AFDN: variants seen among roughly 807,000 people sequenced by gnomAD.
AFDN encodes the protein afadin, adherens junction formation factor.
Under a neutral mutation model 216.6 loss-of-function variants are expected in AFDN, and 68 were observed. The ratio of observed to expected loss-of-function variants is 0.31; its 90% CI spans 0.26 to 0.38. The LOEUF is 0.38. AFDN is among the 10% of genes least tolerant of loss of function. The pLI is 1.00. For missense variants in AFDN, 2,136 were observed against 2,342.0 expected, an observed-to-expected ratio of 0.91 and a Z score of 1.82; for synonymous variants, 868 against 853.7, an observed-to-expected ratio of 1.02 and a Z score of -0.29.
intron 21 of AFDN, among the ~76,000 whole-genome samples, chr6:167,919,491 G>A (rs1791517430): frequency 6.6e-6 from 1 of 152,232 alleles, no homozygotes; most frequent in Non-Finnish European, 1.5e-5. Flanking sequence ...GTTTCCTGTG[G>A]AGCATGCAGA....
At position 167,920,766 on chromosome 6, in the gene AFDN, G is replaced by A. The variant is rs182561454; in HGVS notation, c.2908+1833G>A. Among the ~76,000 whole-genome samples, 11 of 152,246 alleles carry A rather than the reference G, an allele frequency of 7.2e-5. No individual in the cohort carries two copies. The East Asian group carries it at 2.1e-3, about 29-fold the overall frequency. On this transcript the variant is annotated intron_variant, in intron 21 of 33. Transcript: ENST00000683244. ...ACTGTATATTATTAATATCTGTGCT[G>A]TTACCGTTGTCGGTACTCTACTCCT...
chr6:167,915,538 T>G, intron 19 of AFDN, 105 bp downstream of exon 19: 1 of 1,362,506 alleles, frequency 7.3e-7, no homozygotes, highest in Non-Finnish European at 9.8e-7. Flanking sequence ...TACCCTCTTT[T>G]TGGGGTTTTT....
chr6:167,878,056 A>G (rs138788296), intron 5 of AFDN, among the ~76,000 whole-genome samples: 1,686 of 151,938 alleles, frequency 0.011, 38 homozygotes, highest in African/African-American at 0.039. Context: ...ATACTCTACT[A>G]CCATTTATTG....
chr6:167,911,140 A>C lies in AFDN; in HGVS notation c.1809A>C (p.Ala603=). 1 of 1,613,986 alleles carries C rather than the reference A, an allele frequency of 6.2e-7. No individual in the cohort carries two copies. Among genetic ancestry groups the C allele is most frequent in the Non-Finnish European group, 8.5e-7 (1 of 1,179,948 alleles). The change falls in exon 14 of 34, where the codon GCA becomes GCC. Residue 603 remains alanine, a synonymous_variant. Coordinates refer to ENST00000683244, the MANE Select transcript of AFDN (RefSeq NM_001386888.1). ...DASGPELILP[A]SIEFRESSED... ...CTGGGCCTGAGCTGATACTACCTGCAAGCATTGAATTCAGGGAAAGTTGTG... is the reference window on the plus strand; with the variant it reads ...CTGGGCCTGAGCTGATACTACCTGCCAGCATTGAATTCAGGGAAAGTTGTG...
In AFDN at chr6:167,955,202, T is replaced by C. The variant is rs1214316546; in HGVS notation, c.4833+3015T>C. 2.0e-5 allele frequency among the ~76,000 whole-genome samples: 3 copies of C among 152,342 alleles called. No individual in the cohort carries two copies. The East Asian group carries it at 5.8e-4, about 29-fold the overall frequency. ...TTGAAGACAAATTCTAGTCAACTTATAAAGACAAAAGCCAATATCAGACGG... is the reference window on the plus strand; with the variant it reads ...TTGAAGACAAATTCTAGTCAACTTACAAAGACAAAAGCCAATATCAGACGG... On this transcript the variant is annotated intron_variant, in intron 30 of 33. Transcript: ENST00000683244.
At chr6:167,927,580 C>T (rs1442463546) in intron 23 of AFDN, among the ~76,000 whole-genome samples, 1 of 152,118 alleles carries the variant, frequency 6.6e-6, no homozygotes, top group African/African-American at 2.4e-5. Flanking sequence ...GAAAGGTGGG[C>T]ATCTGTTCAG....
chr6:167,951,935 C>G lies in AFDN; in HGVS notation c.4581C>G (p.Ala1527=). The G allele has an allele frequency of 6.2e-7, 1 of 1,614,068 alleles. No individual in the cohort carries two copies. Residue 1527 remains alanine, a synonymous_variant, in exon 30 of 34, where the codon GCC becomes GCG. Transcript: ENST00000683244. The surrounding 1 kb of genome is among the most constrained non-coding windows in gnomAD (Gnocchi z 7.1). ...CCCCCGACCCGTGGAAGCGGGACGC[C>G]AAGGAGAAGCTGGAGAAGCAGCAGC... ...SLSPDPWKRD[A]KEKLEKQQQM...
At position 167,965,910 on chromosome 6, in the gene AFDN, C is replaced by A; in HGVS notation, c.5122C>A (p.Pro1708Thr). 6.5e-7 allele frequency: 1 copy of A among 1,549,876 alleles called. No homozygotes were observed. Among genetic ancestry groups the A allele is most frequent in the African/African-American group, 1.4e-5 (1 of 73,134 alleles). The change falls in exon 32 of 34, where the codon CCC (proline) becomes ACC (threonine). Residue 1708 changes from proline (P) to threonine (T), a missense_variant. By Grantham distance (38) the Pro-to-Thr change is conservative (BLOSUM62 -1). Around this residue, in one of 8 missense-constraint regions of AFDN, gnomAD observed 981 missense variants for 966.0 expected, o/e 1.02. Transcript: ENST00000683244. The part of the protein sequence containing the change: ...DYEPPSPSPA[P>T]GAPPPPPQRN... Reference sequence around the variant, plus strand: ...CGAGCCCCCGTCCCCGTCCCCCGCGCCCGGCGCCCCTCCTCCCCCGCCTCA... The same window carrying A: ...CGAGCCCCCGTCCCCGTCCCCCGCGACCGGCGCCCCTCCTCCCCCGCCTCA...
At chr6:167,828,673 C>G (rs1779488084) in intron 1 of AFDN, among the ~76,000 whole-genome samples, 1 of 150,476 alleles carries the variant, frequency 6.6e-6, no homozygotes, top group Admixed American at 6.6e-5. Context: ...ATTATGTTTT[C>G]TTTTAGAATA....
chr6:167,875,024 A>G (rs1409533025), intron 4 of AFDN, among the ~76,000 whole-genome samples: 1 of 152,196 alleles, frequency 6.6e-6, no homozygotes, highest in Admixed American at 6.5e-5. Flanking sequence ...TTTTAGGGTA[A>G]CACTGGTGGA....
Position 167,970,630 on chromosome 6 carries a change from A to AT in AFDN, c.*699dup, listed in dbSNP as rs1304273538. On this transcript the variant is annotated 3_prime_UTR_variant, in exon 34 of 34. Transcript: ENST00000683244. ...TGATTAATTTTAATTCTGAAAGAAA[A>AT]TTTTGAGGATTTAAGCTTAGGGGAT... is the stretch of plus-strand genomic sequence containing the variant. 4.3e-5 allele frequency: 9 copies of AT among 209,858 alleles called. No individual in the cohort carries two copies. The East Asian group carries it at 6.5e-4, about 15-fold the overall frequency. 13.0% of individuals were successfully genotyped at this position (209,858 alleles called of 1,614,324 possible).
intron 12 of AFDN, among the ~76,000 whole-genome samples, chr6:167,906,564 G>A (rs1789715556): frequency 6.6e-6 from 1 of 152,066 alleles, no homozygotes; most frequent in Admixed American, 6.5e-5. Flanking sequence ...CTTAATGTAG[G>A]TAACTCATCC....
chr6:167,947,256 T>G (rs928826772), intron 27 of AFDN, among the ~76,000 whole-genome samples: 5 of 151,848 alleles, frequency 3.3e-5, no homozygotes, highest in African/African-American at 4.8e-5. Flanking sequence ...CTCGGCTAAC[T>G]GCAAGCTCCA....
chr6:167,955,514 T>G (rs1375012631), intron 30 of AFDN, among the ~76,000 whole-genome samples: 1 of 152,188 alleles, frequency 6.6e-6, no homozygotes, highest in Non-Finnish European at 1.5e-5. Flanking sequence ...AGAGTCACCT[T>G]AGTGTGAGAT....
intron 7 of AFDN, 62 bp downstream of exon 7, chr6:167,889,388 C>T (rs932996317): frequency 2.7e-6 from 3 of 1,120,996 alleles, no homozygotes; most frequent in Non-Finnish European, 1.4e-6. Flanking sequence ...AGGTGTTCAC[C>T]TTATCACATG....
At chr6:167,939,246 TC>T (rs1211782407) in intron 23 of AFDN, among the ~76,000 whole-genome samples, 2 of 152,236 alleles carry the variant, frequency 1.3e-5, no homozygotes, top group East Asian at 3.8e-4. Context: ...TGATTTTTAT[TC>T]TTTACAAGGT....
intron 16 of AFDN, chr6:167,913,641 C>T (rs950071535): frequency 1.8e-6 from 1 of 549,860 alleles, no homozygotes. Context: ...TATGAAATGA[C>T]AAAAGTTCTG....
rs1787889844 is a variant in AFDN at position 167,893,722 on chromosome 6, C to T, written c.1178-140C>T. 4 of 683,074 alleles carry T rather than the reference C, an allele frequency of 5.9e-6. No individual in the cohort carries two copies. The South Asian group carries it at 6.7e-5, about 11-fold the overall frequency. The allele number at this position is 683,074 out of a possible 1,614,324, so 42.3% of individuals were successfully genotyped here. On this transcript the variant is annotated intron_variant, in intron 8 of 33. Coordinates refer to ENST00000683244, the MANE Select transcript of AFDN (RefSeq NM_001386888.1). ...ACAAAAGCTGATGGGTGAAGTGTAC[C>T]TTTTCTTCCTTTGAAACGTGTCTCA... is the stretch of plus-strand genomic sequence containing the variant.
intron 2 of AFDN, among the ~76,000 whole-genome samples, chr6:167,868,741 C>G (rs1043384854): frequency 8.8e-5 from 13 of 146,960 alleles, no homozygotes; most frequent in African/African-American, 3.2e-4. Context: ...GGAGTTTTTA[C>G]TATCATCAGC....
Sources: gnomAD v4.1 joint callset for allele counts (sites outside exome capture counted in the v4.1 genomes callset) on GRCh38, gnomAD v4.1.1 for gene constraint, gnomAD v4.1.1 regional missense constraint, Gnocchi (gnomAD v3.1) non-coding constraint, MANE v1.5 for transcripts, NCBI Gene and HGNC (gene_info 2026-07-23, HGNC 2026-07-21) for gene names.